The following ABCG2 variants were observed in gnomAD, a reference collection of about 807,000 sequenced individuals.
The protein encoded by ABCG2 is broad substrate specificity ATP-binding cassette transporter ABCG2.
Under a neutral mutation model 73.5 loss-of-function variants are expected in ABCG2, and 80 were observed. The ratio of observed to expected loss-of-function variants is 1.09; its 90% confidence interval spans 0.91 to 1.31. The LOEUF is 1.31. Among genes scored for constraint, ABCG2 ranks in the 50% most tolerant of loss-of-function variants. The pLI, the probability that ABCG2 is intolerant of heterozygous loss-of-function variation, is 0.00. For missense variants in ABCG2, 796 were observed against 786.2 expected (o/e 1.01, Z -0.15); for synonymous variants, 269 against 282.4 (o/e 0.95, Z 0.48).
chr4:88,203,754 CA>C (rs34988728), intron 1 of ABCG2, among the ~76,000 whole-genome samples: 52,971 of 131,320 alleles, frequency 0.4, 10,524 homozygotes, highest in African/African-American at 0.6. Flanking sequence ...AACTCAGTTT[CA>C]AAAAAAAAAA....
chr4:88,093,064 A>T (rs1210931396), intron 15 of ABCG2, among the ~76,000 whole-genome samples: 1 of 152,202 alleles, frequency 6.6e-6, no homozygotes, highest in African/African-American at 2.4e-5. Context: ...AGAGTAGAGT[A>T]GGATGAACTC....
rs144762183 is a variant in ABCG2 at position 88,188,584 on chromosome 4, G to A, written c.-20+42410C>T. On this transcript the variant is annotated intron_variant, in intron 1 of 15. Transcript: ENST00000515655. ...GTTTATTCTTTTTCAAGATGATTTT[G>A]GCTATTCAGAGTCCCTTACAATTCA... Among the ~76,000 whole-genome samples the A allele has an allele frequency of 4.6e-5, 7 of 152,030 alleles. No homozygotes were observed. In the East Asian group the frequency reaches 1.4e-3, roughly 29 times the overall value.
intron 1 of ABCG2, among the ~76,000 whole-genome samples, chr4:88,169,620 C>T (rs900648380): frequency 6.6e-6 from 1 of 152,118 alleles, no homozygotes; most frequent in Non-Finnish European, 1.5e-5. Flanking sequence ...AAATGTGAAA[C>T]TATTTTCTCC....
intron 1 of ABCG2, among the ~76,000 whole-genome samples, chr4:88,174,209 T>C (rs1305293775): frequency 6.6e-6 from 1 of 151,934 alleles, no homozygotes; most frequent in Non-Finnish European, 1.5e-5. Flanking sequence ...AATGTGCAGG[T>C]TTGTTACATA....
At chr4:88,174,167 A>C (rs1490455181) in intron 1 of ABCG2, among the ~76,000 whole-genome samples, 1 of 139,728 alleles carries the variant, frequency 7.2e-6, no homozygotes, top group Non-Finnish European at 1.6e-5. Context: ...TTTTCTTTTT[A>C]TTTTACTTTA....
At chr4:88,163,042 G>T (rs951332195), upstream of ABCG2, among the ~76,000 whole-genome samples, 1 of 152,158 alleles carries the variant, frequency 6.6e-6, no homozygotes, top group Non-Finnish European at 1.5e-5. Context: ...CCCTGGCAAG[G>T]TCAGGTTTCA....
upstream of ABCG2, among the ~76,000 whole-genome samples, chr4:88,159,550 G>T (rs1209885101): frequency 7.3e-6 from 1 of 137,904 alleles, no homozygotes; most frequent in Non-Finnish European, 1.6e-5. Context: ...TTCAGGAAAC[G>T]GGCCATCAGG....
intron 1 of ABCG2, among the ~76,000 whole-genome samples, chr4:88,177,267 G>A (rs1019169098): frequency 6.6e-6 from 1 of 151,978 alleles, no homozygotes; most frequent in African/African-American, 2.4e-5. Context: ...CCAGCTACTC[G>A]GGAGGGTGAG....
At chr4:88,195,066 T>C (rs1728888122) in intron 1 of ABCG2, among the ~76,000 whole-genome samples, 2 of 152,174 alleles carry the variant, frequency 1.3e-5, no homozygotes, top group Non-Finnish European at 2.9e-5. Flanking sequence ...ATACTTCTTT[T>C]ACACATTTAA....
At chr4:88,120,904 C>A (rs567733781) in intron 6 of ABCG2, among the ~76,000 whole-genome samples, 2 of 152,068 alleles carry the variant, frequency 1.3e-5, no homozygotes, top group African/African-American at 4.8e-5. Context: ...TGTGTCCCCA[C>A]CCAAATCTCA....
At chr4:88,196,823 G>A (rs529105605) in intron 1 of ABCG2, among the ~76,000 whole-genome samples, 2 of 149,942 alleles carry the variant, frequency 1.3e-5, no homozygotes, top group South Asian at 2.1e-4. Flanking sequence ...ATCGGACTGC[G>A]CAGGGAAATT....
At chr4:88,214,286 T>A (rs1041548306) in intron 1 of ABCG2, among the ~76,000 whole-genome samples, 1 of 151,958 alleles carries the variant, frequency 6.6e-6, no homozygotes, top group African/African-American at 2.4e-5. Flanking sequence ...TGTTATCTAT[T>A]TCCCCCATCC....
intron 1 of ABCG2, among the ~76,000 whole-genome samples, chr4:88,207,999 T>C (rs1260974968): frequency 6.6e-6 from 1 of 152,224 alleles, no homozygotes; most frequent in East Asian, 1.9e-4. Context: ...GGCTGTAAAT[T>C]CAGTTTACAA....
Position 88,180,635 on chromosome 4 carries a change from C to G in ABCG2, c.-19-40621G>C, listed in dbSNP as rs563714629. 5.3e-4 allele frequency among the ~76,000 whole-genome samples: 80 copies of G among 152,200 alleles called. 1 individual carries two copies. The highest frequency in any genetic ancestry group is 4.4e-3 in the Admixed American group (67 of 15,268). On this transcript the variant is annotated intron_variant, in intron 1 of 15. Transcript: ENST00000515655. ...TGGTGGTGTGCACCTGTAGTAGCAG[C>G]TAGCTACTCAGGAGGCTGAGGTGGG...
intron 1 of ABCG2, among the ~76,000 whole-genome samples, chr4:88,207,343 G>A (rs1729418197): frequency 6.6e-6 from 1 of 152,104 alleles, no homozygotes; most frequent in Non-Finnish European, 1.5e-5. Flanking sequence ...ATCAGAGGCA[G>A]ACTCTGTAAA....
intron 2 of ABCG2, among the ~76,000 whole-genome samples, chr4:88,136,547 A>T (rs1725256530): frequency 6.6e-6 from 1 of 152,136 alleles, no homozygotes; most frequent in Non-Finnish European, 1.5e-5. Flanking sequence ...CTCTACAAAA[A>T]ACTTAAAAGT....
At chr4:88,186,458 C>G (rs1728457999) in intron 1 of ABCG2, among the ~76,000 whole-genome samples, 1 of 152,086 alleles carries the variant, frequency 6.6e-6, no homozygotes, top group African/African-American at 2.4e-5. Context: ...CATAGTGAGA[C>G]CCCATCTCTA....
At chr4:88,148,515 G>A (rs1726205561) in intron 1 of ABCG2, among the ~76,000 whole-genome samples, 1 of 152,082 alleles carries the variant, frequency 6.6e-6, no homozygotes, top group African/African-American at 2.4e-5. Flanking sequence ...GAATTCTGGA[G>A]GGTCCCTGAC....
intron 1 of ABCG2, among the ~76,000 whole-genome samples, chr4:88,177,181 G>A (rs1728027513): frequency 6.6e-6 from 1 of 151,856 alleles, no homozygotes; most frequent in Non-Finnish European, 1.5e-5. Context: ...GACCATTCTG[G>A]CTAATACGGT....
Sources: gnomAD v4.1 joint callset for allele counts (sites outside exome capture counted in the v4.1 genomes callset) on GRCh38, gnomAD v4.1.1 for gene constraint, MANE v1.5 for transcripts, NCBI Gene and HGNC (gene_info 2026-07-23, HGNC 2026-07-21) for gene names.